The following SLF2 variants were observed in gnomAD, a reference collection of about 807,000 sequenced individuals.
The protein encoded by SLF2 is SMC5-SMC6 complex localization factor protein 2.
SLF2 carries 68 observed loss-of-function variants against 124.3 expected under a neutral mutation model. The ratio of observed to expected loss-of-function variants is 0.55; its 90% CI spans 0.45 to 0.67. The LOEUF is 0.67. Ranked by LOEUF, SLF2 falls within the 30% of genes least tolerant of loss-of-function variation. The pLI is 0.00. For missense variants in SLF2, 1,246 were observed against 1,373.7 expected, an observed-to-expected ratio of 0.91 and a Z score of 1.47; for synonymous variants, 480 against 478.8, an observed-to-expected ratio of 1.00 and a Z score of -0.03.
chr10:100,937,600 C>A, intron 10 of SLF2, 123 bp downstream of exon 10: 3 of 702,452 alleles, frequency 4.3e-6, no homozygotes, highest in Non-Finnish European at 7.0e-6. Context: ...TTTTTCTAAT[C>A]AAAAGTCGTT....
At position 100,931,226 on chromosome 10, in the gene SLF2, G is replaced by A. The variant is rs1849728927; in HGVS notation, c.2436+148G>A. 3 of 643,882 alleles carry A rather than the reference G, an allele frequency of 4.7e-6. No homozygotes were observed. The South Asian group carries it at 6.0e-5, about 13-fold the overall frequency. The allele number at this position is 643,882 out of a possible 1,614,324, so 39.9% of individuals were successfully genotyped here. A position where few individuals can be genotyped will look rare whatever the true frequency, so the allele number is the denominator to read the frequency against. ...AGTGGCTTAGAATGTAGCAAAAAGAGTCAATATAAAGAGATTATGAAGAAA... is the reference window on the plus strand; with the variant it reads ...AGTGGCTTAGAATGTAGCAAAAAGAATCAATATAAAGAGATTATGAAGAAA... On this transcript the variant is annotated intron_variant, in intron 9 of 19. Coordinates refer to ENST00000238961, the MANE Select transcript of SLF2 (RefSeq NM_018121.4).
Position 100,961,983 on chromosome 10 carries a change from G to A in SLF2, c.*71G>A. The A allele has an allele frequency of 7.3e-7, 1 of 1,363,030 alleles. No homozygotes were observed. The highest frequency in any genetic ancestry group is 1.0e-6 in the Non-Finnish European group (1 of 984,900). The allele number at this position is 1,363,030 out of a possible 1,614,324, so 84.4% of individuals were successfully genotyped here. On this transcript the variant is annotated 3_prime_UTR_variant, in exon 20 of 20. Coordinates refer to ENST00000238961, the MANE Select transcript of SLF2 (RefSeq NM_018121.4). ...GAGCCTTTCATAGAGGAGTAGAAAG[G>A]ATTATTACAGAATCCAATGAATGCC...
intron 11 of SLF2, 116 bp downstream of exon 11, chr10:100,938,852 A>C (rs1269730766): frequency 1.6e-5 from 16 of 981,546 alleles, no homozygotes; most frequent in Non-Finnish European, 5.7e-6. Context: ...CAAAGTTGAG[A>C]TCAATCTTGA....
chr10:100,931,833 A>G (rs1192313429), intron 9 of SLF2, among the ~76,000 whole-genome samples: 1 of 152,078 alleles, frequency 6.6e-6, no homozygotes, highest in African/African-American at 2.4e-5. Context: ...CTCTACTAAA[A>G]ATACAAAAAT....
chr10:100,954,860 T>G (rs1459403870), intron 17 of SLF2, among the ~76,000 whole-genome samples: 1 of 151,998 alleles, frequency 6.6e-6, no homozygotes, highest in Non-Finnish European at 1.5e-5. Context: ...ATGTGAAGAT[T>G]ACTTGAGCCT....
At position 100,962,487 on chromosome 10, in the gene SLF2, A is replaced by C. The variant is rs1246397959; in HGVS notation, c.*575A>C. The C allele has an allele frequency of 6.6e-6, 1 of 152,648 alleles. No homozygotes were observed. Among genetic ancestry groups the C allele is most frequent in the Non-Finnish European group, 1.5e-5 (1 of 68,062 alleles). The allele number at this position is 152,648 out of a possible 1,614,324, so 9.5% of individuals were successfully genotyped here. A position where few individuals can be genotyped will look rare whatever the true frequency, so the allele number is the denominator to read the frequency against. Reference sequence around the variant, plus strand: ...ATCCATGCATTTTCCTTCATTACTCAAGATTATAAATCTGTTTTTAAAATA... The same window carrying C: ...ATCCATGCATTTTCCTTCATTACTCCAGATTATAAATCTGTTTTTAAAATA... On this transcript the variant is annotated 3_prime_UTR_variant, in exon 20 of 20. Coordinates refer to ENST00000238961, the MANE Select transcript of SLF2 (RefSeq NM_018121.4).
At chr10:100,941,655 G>A (rs73336294) in intron 11 of SLF2, among the ~76,000 whole-genome samples, 13,608 of 152,120 alleles carry the variant, frequency 0.089, 721 homozygotes, top group African/African-American at 0.15. Flanking sequence ...TTTCTGTTTT[G>A]TTGTCGGCTT....
In SLF2 at chr10:100,913,105, G is replaced by A. The variant is rs1448542384; in HGVS notation, c.-6G>A. 1.9e-6 allele frequency: 3 copies of A among 1,610,780 alleles called. No homozygotes were observed. The highest frequency in any genetic ancestry group is 2.5e-6 in the Non-Finnish European group (3 of 1,178,762). ...GGCTCATGCCGCCGTCGCCAGCGGCGCCGACATGACAAGGCGCTGCATGCC... is the reference window on the plus strand; with the variant it reads ...GGCTCATGCCGCCGTCGCCAGCGGCACCGACATGACAAGGCGCTGCATGCC... On this transcript the variant is annotated 5_prime_UTR_variant, in exon 1 of 20. Coordinates refer to ENST00000238961, the MANE Select transcript of SLF2 (RefSeq NM_018121.4).
Position 100,917,239 on chromosome 10 carries a change from CA to C in SLF2, c.856del (p.Arg286GlyfsTer60). The C allele has an allele frequency of 6.2e-7, 1 of 1,613,642 alleles. No individual in the cohort carries two copies. The highest frequency in any genetic ancestry group is 8.5e-7 in the Non-Finnish European group (1 of 1,179,920). ...TCTAGTATAGAAAGAAAATATAAAC[CA>C]AGGCAGGAACAAAGGAAACAGAATG... ...LKSSIERKYK[P>X]RQEQRKQNDI... is the part of the protein sequence containing the mutation. On this transcript the variant is annotated frameshift_variant, in exon 3 of 20. Coordinates refer to ENST00000238961, the MANE Select transcript of SLF2 (RefSeq NM_018121.4). LOFTEE classifies it high-confidence loss of function.
At chr10:100,936,945 A>G (rs117005510) in intron 9 of SLF2, among the ~76,000 whole-genome samples, 2,735 of 152,110 alleles carry the variant, frequency 0.018, 33 homozygotes, top group Non-Finnish European at 0.029. Flanking sequence ...CGTATCATAT[A>G]TATTAGTTGG....
intron 4 of SLF2, among the ~76,000 whole-genome samples, chr10:100,920,573 A>G (rs1849506335): frequency 6.6e-6 from 1 of 152,240 alleles, no homozygotes; most frequent in Non-Finnish European, 1.5e-5. Context: ...ACTAACATCA[A>G]CAGAATTTCA....
intron 18 of SLF2, 111 bp from the exon 19 acceptor site, chr10:100,959,317 G>A (rs1397415023): frequency 4.6e-6 from 4 of 865,242 alleles, no homozygotes; most frequent in Non-Finnish European, 6.7e-6. Context: ...ATCAAATTGA[G>A]TTGTTGAGTG....
intron 9 of SLF2, among the ~76,000 whole-genome samples, chr10:100,934,201 A>G (rs979519442): frequency 3.9e-5 from 6 of 152,250 alleles, no homozygotes; most frequent in Non-Finnish European, 7.3e-5. Context: ...TTCAGATAGC[A>G]GTAAATTATT....
chr10:100,952,105 G>T (rs1226421739), intron 17 of SLF2, among the ~76,000 whole-genome samples: 1 of 151,708 alleles, frequency 6.6e-6, no homozygotes, highest in Non-Finnish European at 1.5e-5. Context: ...TTAGCCGGGC[G>T]TGTTGGTGCG....
intron 1 of SLF2, chr10:100,913,872 T>C (rs1849368970): frequency 1.0e-6 from 1 of 985,232 alleles, no homozygotes; most frequent in Non-Finnish European, 1.2e-6. Context: ...CAATAAAACA[T>C]GTTTAAATTC....
rs78349333 is a variant in SLF2 at position 100,917,430 on chromosome 10, G to A, written c.915+130G>A. 2.3e-3 allele frequency: 2,346 copies of A among 1,041,978 alleles called. 29 individuals carry two copies. The African/African-American group carries it at 0.034, about 15-fold the overall frequency. The allele number at this position is 1,041,978 out of a possible 1,614,324, so 64.5% of individuals were successfully genotyped here. A position where few individuals can be genotyped will look rare whatever the true frequency, so the allele number is the denominator to read the frequency against. ...TGAAGGAAATACTTATGCACAGTTTGTGTAGAAGCTGGTTTCATTACATTT... is the reference window on the plus strand; with the variant it reads ...TGAAGGAAATACTTATGCACAGTTTATGTAGAAGCTGGTTTCATTACATTT... On this transcript the variant is annotated intron_variant, in intron 3 of 19. Transcript: ENST00000238961.
chr10:100,917,367 A>C, intron 3 of SLF2, 67 bp downstream of exon 3: 1 of 1,473,342 alleles, frequency 6.8e-7, no homozygotes. Flanking sequence ...TAAATTTAAA[A>C]ATATTTAAGA....
intron 9 of SLF2, among the ~76,000 whole-genome samples, chr10:100,934,705 C>T (rs1042679531): frequency 3.3e-5 from 5 of 151,846 alleles, no homozygotes; most frequent in Admixed American, 2.0e-4. Context: ...CTCCACATCC[C>T]GAATTCAAGC....
At chr10:100,939,779 T>C (rs1849932428) in intron 11 of SLF2, among the ~76,000 whole-genome samples, 2 of 151,844 alleles carry the variant, frequency 1.3e-5, no homozygotes, top group Non-Finnish European at 2.9e-5. Flanking sequence ...ATGAATAGAC[T>C]GATCACAGAA....
Sources: gnomAD v4.1 joint callset for allele counts (sites outside exome capture counted in the v4.1 genomes callset) on GRCh38, gnomAD v4.1.1 for gene constraint, MANE v1.5 for transcripts, NCBI Gene and HGNC (gene_info 2026-07-23, HGNC 2026-07-21) for gene names.